ARHGEF10: variants seen among roughly 807,000 people sequenced by gnomAD.
The protein encoded by ARHGEF10 is Rho guanine nucleotide exchange factor 10, also known as Rho guanine nucleotide exchange factor (GEF) 10.
In ARHGEF10, 140 loss-of-function variants were observed where a neutral mutation model predicts 147.4. That is an observed-to-expected ratio of 0.95 (90% CI 0.83 to 1.09). ARHGEF10 has a LOEUF of 1.09. Among genes scored for constraint, ARHGEF10 ranks in the 50% least tolerant of loss-of-function variants. The pLI is 0.00. For synonymous variants in ARHGEF10, 902 were observed against 695.8 expected (o/e 1.30, Z -4.67); for missense variants, 2,222 against 1,752.7 (o/e 1.27, Z -4.78).
chr8:1,890,983 T>C (rs986304638), intron 11 of ARHGEF10, among the ~76,000 whole-genome samples: 2 of 152,176 alleles, frequency 1.3e-5, no homozygotes, highest in African/African-American at 4.8e-5. Context: ...ATTATCTCAG[T>C]TACTTTTGTC....
chr8:1,954,337 G>A (rs1439976477), intron 28 of ARHGEF10, among the ~76,000 whole-genome samples: 4 of 152,068 alleles, frequency 2.6e-5, no homozygotes, highest in Non-Finnish European at 4.4e-5. Context: ...CAAGTGATTC[G>A]CCTGCCTTGG....
At chr8:1,896,593 G>A in intron 14 of ARHGEF10, 144 bp downstream of exon 14, 1 of 722,678 alleles carries the variant, frequency 1.4e-6, no homozygotes, top group East Asian at 2.5e-5. Flanking sequence ...TAGAAATGAA[G>A]ATGAATTTTA....
intron 26 of ARHGEF10, among the ~76,000 whole-genome samples, chr8:1,934,894 A>C (rs1037658813): frequency 6.6e-6 from 1 of 152,230 alleles, no homozygotes; most frequent in Non-Finnish European, 1.5e-5. Flanking sequence ...TGGAGGAAAA[A>C]TTGGGAAAAA....
chr8:1,914,655 A>G (rs1811620794), intron 18 of ARHGEF10, among the ~76,000 whole-genome samples: 1 of 152,228 alleles, frequency 6.6e-6, no homozygotes, highest in South Asian at 2.1e-4. Context: ...GAAACAGAAC[A>G]AAATGCCTCT....
intron 2 of ARHGEF10, among the ~76,000 whole-genome samples, chr8:1,845,605 CCT>C (rs1483041644): frequency 1.3e-5 from 2 of 152,262 alleles, no homozygotes; most frequent in African/African-American, 4.8e-5. Context: ...CCTGTTTTGC[CCT>C]CTGTTTCAAA....
At chr8:1,943,048 T>A (rs1471578496) in intron 26 of ARHGEF10, among the ~76,000 whole-genome samples, 1 of 152,176 alleles carries the variant, frequency 6.6e-6, no homozygotes, top group Non-Finnish European at 1.5e-5. Flanking sequence ...AACTTCATGA[T>A]ATGTGAATTA....
chr8:1,843,328 C>G, intron 1 of ARHGEF10, 25 bp from the exon 2 acceptor site: 10 of 1,593,422 alleles, frequency 6.3e-6, no homozygotes, highest in Non-Finnish European at 8.6e-6. Flanking sequence ...TGAACGGTGA[C>G]AAGCAGTGTC....
In ARHGEF10 at chr8:1,933,901, G is replaced by C; in HGVS notation, c.3181G>C (p.Gly1061Arg). The C allele has an allele frequency of 6.2e-7, 1 of 1,614,170 alleles. No homozygotes were observed. Among genetic ancestry groups the C allele is most frequent in the Non-Finnish European group, 8.5e-7 (1 of 1,180,030 alleles). Residue 1061 changes from glycine (G) to arginine (R), a missense_variant, in exon 26 of 29, where the codon GGT (glycine) becomes CGT (arginine). Transcript: ENST00000349830. ...AGACACGTTGTGGGCGGCTTCCGGA[G>C]GTCAAGTCTTCATCATCAGTGTGGA... The part of the protein sequence containing the change: ...MEDTLWAASG[G>R]QVFIISVETH...
At chr8:1,828,325 C>G (rs755323060) in intron 1 of ARHGEF10, among the ~76,000 whole-genome samples, 3 of 152,236 alleles carry the variant, frequency 2.0e-5, no homozygotes, top group Non-Finnish European at 4.4e-5. Flanking sequence ...TCTTAAAGTG[C>G]CTTCCTCCCT....
intron 1 of ARHGEF10, among the ~76,000 whole-genome samples, chr8:1,825,781 A>G (rs145203234): frequency 4.6e-5 from 7 of 152,320 alleles, no homozygotes; most frequent in Non-Finnish European, 8.8e-5. Flanking sequence ...CATTGACTCA[A>G]GATGTAACGG....
chr8:1,946,896 A>G (rs554563942), intron 27 of ARHGEF10, among the ~76,000 whole-genome samples: 5 of 152,336 alleles, frequency 3.3e-5, no homozygotes, highest in South Asian at 2.1e-4. Context: ...CGGTGGGTCC[A>G]TGATAGCCGT....
rs1462275580 is a variant in ARHGEF10 at position 1,909,536 on chromosome 8, G to A, written c.2143+66G>A. 5 of 1,592,490 alleles carry A rather than the reference G, an allele frequency of 3.1e-6. No homozygotes were observed. In the African/African-American group the frequency reaches 4.0e-5, roughly 13 times the overall value. Reference sequence around the variant, plus strand: ...GGTAACTCTCACGTTCATGCTAGCTGTGGGGCCAGCGTAAGCTCCACCATC... The same window carrying A: ...GGTAACTCTCACGTTCATGCTAGCTATGGGGCCAGCGTAAGCTCCACCATC... On this transcript the variant is annotated intron_variant, in intron 18 of 28. Coordinates refer to ENST00000349830, the MANE Select transcript of ARHGEF10 (RefSeq NM_014629.4).
intron 1 of ARHGEF10, among the ~76,000 whole-genome samples, chr8:1,839,679 T>TGTCC (rs770059016): frequency 1.2e-4 from 15 of 125,952 alleles, no homozygotes; most frequent in East Asian, 2.8e-4. Context: ...GTGTGGAAAC[T>TGTCC]GGTGTGGGGA....
intron 18 of ARHGEF10, among the ~76,000 whole-genome samples, chr8:1,912,091 C>G (rs930379804): frequency 3.9e-5 from 6 of 152,224 alleles, no homozygotes; most frequent in South Asian, 2.1e-4. Context: ...GCAACCTCTG[C>G]TTGCAGAGCG....
At chr8:1,901,492 G>C (rs1235599042) in intron 15 of ARHGEF10, among the ~76,000 whole-genome samples, 1 of 152,204 alleles carries the variant, frequency 6.6e-6, no homozygotes, top group East Asian at 1.9e-4. Flanking sequence ...AACATCCATT[G>C]GCCCTGTGAC....
Position 1,909,434 on chromosome 8 carries a change from C to T in ARHGEF10, c.2107C>T (p.Pro703Ser), listed in dbSNP as rs1811185111. 1.2e-6 allele frequency: 2 copies of T among 1,614,136 alleles called. No homozygotes were observed. Among genetic ancestry groups the T allele is most frequent in the Non-Finnish European group, 1.7e-6 (2 of 1,180,034 alleles). The change falls in exon 18 of 29, where the codon CCG becomes TCG. Residue 703 changes from proline to serine, a missense_variant. Pro to Ser is a moderately conservative substitution (Grantham distance 74). Transcript: ENST00000349830. ...EHSRHLAVHP[P>S]ESLAVVANAK... ...CAGCAGGCACCTTGCCGTTCACCCG[C>T]CGGAGAGCCTGGCCGTGGTTGCTAA...
rs1293767495 is a variant in ARHGEF10, at chr8:1,894,387, T to A, written c.1261-6T>A. ...GTCTGAACTGTCTTTGCTCATTTTGTCTTAGCAATATGAGAAGCCGCTGTC... is the reference window on the plus strand; with the variant it reads ...GTCTGAACTGTCTTTGCTCATTTTGACTTAGCAATATGAGAAGCCGCTGTC... On this transcript the variant is annotated splice_region_variant and splice_polypyrimidine_tract_variant and intron_variant, in intron 12 of 28. Coordinates refer to ENST00000349830, the MANE Select transcript of ARHGEF10 (RefSeq NM_014629.4). 6.2e-7 allele frequency: 1 copy of A among 1,614,048 alleles called. No homozygotes were observed. Among genetic ancestry groups the A allele is most frequent in the Admixed American group, 1.7e-5 (1 of 60,014 alleles).
rs67708263 is a variant in ARHGEF10 at position 1,836,182 on chromosome 8, G to GA, written c.-47-7159dup. On this transcript the variant is annotated intron_variant, in intron 1 of 28. Transcript: ENST00000349830. ...GGCGACAGAGCAAGACTCTGCCATG[G>GA]AAAAAAAAAAAAGAAAAAAAAAAAC... is the stretch of plus-strand genomic sequence containing the variant. Among the ~76,000 whole-genome samples the GA allele has an allele frequency of 2.5e-3, 363 of 144,930 alleles. 2 individuals are homozygous for GA. Among genetic ancestry groups the GA allele is most frequent in the Middle Eastern group, 3.6e-3 (1 of 280 alleles).
chr8:1,851,499 T>TG (rs1281347862), intron 2 of ARHGEF10, among the ~76,000 whole-genome samples: 3 of 136,704 alleles, frequency 2.2e-5, no homozygotes, highest in Non-Finnish European at 3.2e-5. Context: ...TGGCAAAGGA[T>TG]GGGGGATAGT....
Sources: allele counts gnomAD v4.1 joint callset (sites outside exome capture counted in the v4.1 genomes callset), GRCh38; gene constraint gnomAD v4.1.1; transcripts MANE v1.5; gene names NCBI Gene and HGNC (gene_info 2026-07-23, HGNC 2026-07-21).